Variants in STPG4 observed in about 807,000 individuals in gnomAD.
STPG4 encodes the protein sperm-tail PG-rich repeat containing 4.
Under a neutral mutation model 31.5 loss-of-function variants are expected in STPG4, and 41 were observed. The ratio of observed to expected loss-of-function variants is 1.30; its 90% confidence interval spans 1.01 to 1.69. The LOEUF (loss-of-function observed/expected upper bound fraction) is 1.69. Among genes scored for constraint, STPG4 ranks in the 40% most tolerant of loss-of-function variants. STPG4 has a pLI of 0.00. For synonymous variants in STPG4, 141 were observed against 103.0 expected, an observed-to-expected ratio of 1.37 and a Z score of -2.24; for missense variants, 375 against 293.4, an observed-to-expected ratio of 1.28 and a Z score of -2.03.
In STPG4 at chr2:47,130,009, T is replaced by G; in HGVS notation, c.465-14A>C. ...AATACACAGCTCCTATATTTCAAAA[T>G]AAAAAAGAAAAGTGATTTTCTAAAT... On this transcript the variant is annotated splice_polypyrimidine_tract_variant and intron_variant, in intron 4 of 6. Coordinates refer to ENST00000445927, the MANE Select transcript of STPG4 (RefSeq NM_001163561.2). 2.0e-6 allele frequency: 3 copies of G among 1,529,372 alleles called. No homozygotes were observed. The highest frequency in any genetic ancestry group is 2.7e-6 in the Non-Finnish European group (3 of 1,116,708). The allele number at this position is 1,529,372 out of a possible 1,614,324, so 94.7% of individuals were successfully genotyped here.
At chr2:47,100,370 C>T (rs1242479744) in intron 5 of STPG4, among the ~76,000 whole-genome samples, 2 of 148,848 alleles carry the variant, frequency 1.3e-5, no homozygotes, top group Non-Finnish European at 3.0e-5. Flanking sequence ...TCTGGTGGGG[C>T]CTTGGAGAAC....
rs545121923 is a variant in STPG4 at position 47,100,684 on chromosome 2, G to A, written c.520-10310C>T. ...GCTTTTATGAGCTGTAACACTCACCGCGAAGGTCTGCAGCTTCACTCCTGA... is the reference window on the plus strand; with the variant it reads ...GCTTTTATGAGCTGTAACACTCACCACGAAGGTCTGCAGCTTCACTCCTGA... On this transcript the variant is annotated intron_variant, in intron 5 of 6. Transcript: ENST00000445927. Among the ~76,000 whole-genome samples, 10 of 151,678 alleles carry A rather than the reference G, an allele frequency of 6.6e-5. No homozygotes were observed. The South Asian group carries it at 8.4e-4, about 13-fold the overall frequency.
At chr2:47,130,285 A>G in intron 3 of STPG4, 25 bp from the exon 4 acceptor site, 1 of 1,587,526 alleles carries the variant, frequency 6.3e-7, no homozygotes, top group Middle Eastern at 1.7e-4. Context: ...CAAGGACACC[A>G]ATAGATTAAT....
chr2:47,119,735 AG>A (rs1181984788), intron 5 of STPG4, among the ~76,000 whole-genome samples: 1 of 152,228 alleles, frequency 6.6e-6, no homozygotes, highest in African/African-American at 2.4e-5. Flanking sequence ...AGATACCTAA[AG>A]TGAGGTTTGT....
chr2:47,108,082 G>T (rs867998526), intron 5 of STPG4, among the ~76,000 whole-genome samples: 43 of 151,886 alleles, frequency 2.8e-4, no homozygotes, highest in African/African-American at 9.9e-4. Flanking sequence ...GGGCCTTGGA[G>T]AACCTTTGTG....
chr2:47,136,207 G>A (rs181644247), intron 3 of STPG4, among the ~76,000 whole-genome samples: 237 of 151,934 alleles, frequency 1.6e-3, no homozygotes, highest in Admixed American at 3.1e-3. Context: ...GGGAAATGGC[G>A]CAATCTCAGC....
intron 3 of STPG4, among the ~76,000 whole-genome samples, chr2:47,146,086 C>T (rs897999212): frequency 6.6e-6 from 1 of 152,006 alleles, no homozygotes; most frequent in Non-Finnish European, 1.5e-5. Context: ...GCCAAAAGGA[C>T]AAGTGGGTCA....
At chr2:47,092,036 A>G (rs1371618965) in intron 5 of STPG4, among the ~76,000 whole-genome samples, 1 of 149,622 alleles carries the variant, frequency 6.7e-6, no homozygotes, top group Non-Finnish European at 1.5e-5. Context: ...AATGTGCATT[A>G]AAAAAACTTG....
At chr2:47,154,178 G>A (rs1686985799) in intron 1 of STPG4, among the ~76,000 whole-genome samples, 1 of 152,158 alleles carries the variant, frequency 6.6e-6, no homozygotes, top group Non-Finnish European at 1.5e-5. Context: ...TAAATCTACT[G>A]TACTTATGAG....
chr2:47,114,394 C>T (rs181536624), intron 5 of STPG4, among the ~76,000 whole-genome samples: 4 of 152,122 alleles, frequency 2.6e-5, no homozygotes, highest in Non-Finnish European at 5.9e-5. Flanking sequence ...ATAATCTCAG[C>T]TACTCGGGAT....
At chr2:47,114,310 G>C (rs1664515905) in intron 5 of STPG4, among the ~76,000 whole-genome samples, 1 of 151,674 alleles carries the variant, frequency 6.6e-6, no homozygotes, top group African/African-American at 2.4e-5. Flanking sequence ...TTCGAGACCA[G>C]CCTGGCCAAC....
intron 3 of STPG4, among the ~76,000 whole-genome samples, chr2:47,141,432 G>A (rs1686702349): frequency 6.6e-6 from 1 of 151,670 alleles, no homozygotes; most frequent in Non-Finnish European, 1.5e-5. Flanking sequence ...ACAAGTGAGT[G>A]TCATCCCTGA....
At chr2:47,126,348 C>T (rs553088232) in intron 5 of STPG4, among the ~76,000 whole-genome samples, 1 of 151,814 alleles carries the variant, frequency 6.6e-6, no homozygotes, top group South Asian at 2.1e-4. Flanking sequence ...CTTCTTCAGA[C>T]AGGGTCTTGT....
At chr2:47,095,048 G>C (rs1163188659) in intron 5 of STPG4, among the ~76,000 whole-genome samples, 2 of 152,198 alleles carry the variant, frequency 1.3e-5, no homozygotes, top group East Asian at 3.8e-4. Context: ...TAGAGAACGT[G>C]AGAGTAGATG....
intron 5 of STPG4, among the ~76,000 whole-genome samples, chr2:47,109,259 T>G (rs1467585583): frequency 6.6e-6 from 1 of 152,186 alleles, no homozygotes; most frequent in African/African-American, 2.4e-5. Context: ...ATCATTTTCT[T>G]GAAAATTCAG....
intron 3 of STPG4, among the ~76,000 whole-genome samples, chr2:47,130,873 G>T (rs1686466817): frequency 6.6e-6 from 1 of 151,802 alleles, no homozygotes; most frequent in Non-Finnish European, 1.5e-5. Context: ...AGAATGATAT[G>T]GCATGAACAT....
chr2:47,144,712 A>C (rs1410488514), intron 3 of STPG4, among the ~76,000 whole-genome samples: 1 of 152,190 alleles, frequency 6.6e-6, no homozygotes, highest in Non-Finnish European at 1.5e-5. Context: ...ATATTAAAAA[A>C]AAACAAACAA....
chr2:47,131,959 G>A (rs1686492324), intron 3 of STPG4, among the ~76,000 whole-genome samples: 1 of 152,174 alleles, frequency 6.6e-6, no homozygotes. Context: ...GAGGTCAGAA[G>A]TTCAAGACCA....
chr2:47,100,449 G>T (rs879845989), intron 5 of STPG4, among the ~76,000 whole-genome samples: 3 of 149,234 alleles, frequency 2.0e-5, no homozygotes, highest in Admixed American at 6.7e-5. Context: ...CTAGCTCAGG[G>T]ATTGTAAACA....
Sources: gnomAD v4.1 joint callset for allele counts (sites outside exome capture counted in the v4.1 genomes callset) on GRCh38, gnomAD v4.1.1 for gene constraint, MANE v1.5 for transcripts, NCBI Gene and HGNC (gene_info 2026-07-23, HGNC 2026-07-21) for gene names.